DIP2C: variants seen among roughly 807,000 people sequenced by gnomAD.
The protein encoded by DIP2C is disco-interacting protein 2 homolog C.
A neutral mutation model predicts 192.4 loss-of-function variants in DIP2C; 33 were observed. The observed-to-expected ratio is 0.17, with a 90% confidence interval of 0.13 to 0.23. DIP2C has a LOEUF of 0.23. DIP2C is among the 10% of genes least tolerant of loss of function. DIP2C has a pLI of 1.00. For missense variants in DIP2C, 1,537 were observed against 2,110.1 expected (o/e 0.73, Z 5.32); for synonymous variants, 979 against 864.1 (o/e 1.13, Z -2.33).
chr10:414,739 G>GTGTGTGTATATATATATA lies in DIP2C; in HGVS notation c.860-630_860-629insTATATATATATACACACA. On this transcript the variant is annotated intron_variant, in intron 7 of 36. Coordinates refer to ENST00000280886, the MANE Select transcript of DIP2C (RefSeq NM_014974.3). ...TGTGTGTGTGTGTGTGTGTGTGTGT[G>GTGTGTGTATATATATATA]TACATATATATATATATAATGTGTA... 5.0e-3 allele frequency among the ~76,000 whole-genome samples: 457 copies of GTGTGTGTATATATATATA among 90,500 alleles called. 20 individuals carry two copies. Among genetic ancestry groups the GTGTGTGTATATATATATA allele is most frequent in the African/African-American group, 0.012 (263 of 22,212 alleles). The allele number at this position is 90,500 out of a possible 152,430, so 59.4% of individuals were successfully genotyped here. A position where few individuals can be genotyped will look rare whatever the true frequency, so the allele number is the denominator to read the frequency against.
chr10:477,819 AAG>A (rs551495135), intron 2 of DIP2C, among the ~76,000 whole-genome samples: 21 of 125,522 alleles, frequency 1.7e-4, no homozygotes, highest in South Asian at 7.9e-4. Context: ...GAAGGAAAAC[AAG>A]AGAGAAGGAG....
intron 1 of DIP2C, among the ~76,000 whole-genome samples, chr10:524,527 A>G (rs1279637869): frequency 6.6e-6 from 1 of 152,200 alleles, no homozygotes; most frequent in African/African-American, 2.4e-5. Context: ...AATGTATAAA[A>G]CATGGACGAT....
At chr10:316,890 G>A (rs1324326373) in intron 31 of DIP2C, among the ~76,000 whole-genome samples, 4 of 152,060 alleles carry the variant, frequency 2.6e-5, no homozygotes, top group Non-Finnish European at 5.9e-5. Context: ...CTCTGCCATG[G>A]GAAAAACCAC....
intron 13 of DIP2C, among the ~76,000 whole-genome samples, chr10:388,062 C>T (rs918310947): frequency 7.9e-5 from 12 of 151,986 alleles, no homozygotes; most frequent in African/African-American, 2.9e-4. Context: ...TAAAACGCAG[C>T]GTTCCTTCTC....
At chr10:449,953 G>C (rs1268085547) in intron 3 of DIP2C, among the ~76,000 whole-genome samples, 1 of 148,624 alleles carries the variant, frequency 6.7e-6, no homozygotes, top group African/African-American at 2.5e-5. Flanking sequence ...CTGAGAACAA[G>C]ATATCATTGT....
chr10:577,853 A>C (rs575839015), intron 1 of DIP2C, among the ~76,000 whole-genome samples: 234 of 151,442 alleles, frequency 1.5e-3, no homozygotes, highest in African/African-American at 5.2e-3. Context: ...AAAAGAAGAA[A>C]GAACTTAAGA....
chr10:303,442 A>AAAAACAGATT (rs1309094511), intron 32 of DIP2C, among the ~76,000 whole-genome samples: 1 of 152,244 alleles, frequency 6.6e-6, no homozygotes, highest in African/African-American at 2.4e-5. Flanking sequence ...ACTCACTTAT[A>AAAAACAGATT]AAAACAGATT....
chr10:527,769 G>A (rs1847141638), intron 1 of DIP2C, among the ~76,000 whole-genome samples: 1 of 152,204 alleles, frequency 6.6e-6, no homozygotes, highest in African/African-American at 2.4e-5. Flanking sequence ...TCTCTCCTCT[G>A]TACAACAGAA....
intron 1 of DIP2C, among the ~76,000 whole-genome samples, chr10:640,172 C>A (rs1855092527): frequency 6.6e-6 from 1 of 152,254 alleles, no homozygotes; most frequent in Admixed American, 6.5e-5. Flanking sequence ...CTAACACACA[C>A]CTCCCACAGG....
At chr10:591,665 C>A (rs17159715) in intron 1 of DIP2C, among the ~76,000 whole-genome samples, 1 of 152,120 alleles carries the variant, frequency 6.6e-6, no homozygotes, top group African/African-American at 2.4e-5. Context: ...CATCTGCCTG[C>A]CGGTGAGTTA....
intron 1 of DIP2C, among the ~76,000 whole-genome samples, chr10:513,100 T>TGCATTTTAA (rs1846128628): frequency 6.6e-6 from 1 of 152,200 alleles, no homozygotes; most frequent in South Asian, 2.1e-4. Flanking sequence ...TAAAAGCACA[T>TGCATTTTAA]GCATTTTAAG....
chr10:522,416 C>G (rs770316258), intron 1 of DIP2C, among the ~76,000 whole-genome samples: 1 of 152,254 alleles, frequency 6.6e-6, no homozygotes, highest in Non-Finnish European at 1.5e-5. Flanking sequence ...AAGTAAACTT[C>G]AGCTCCTGAG....
At chr10:574,174 T>C (rs1398964514) in intron 1 of DIP2C, among the ~76,000 whole-genome samples, 1 of 152,242 alleles carries the variant, frequency 6.6e-6, no homozygotes, top group Non-Finnish European at 1.5e-5. Context: ...ATAAAGACAT[T>C]GCTGCTTTTA....
At chr10:520,891 C>G (rs560897234) in intron 1 of DIP2C, among the ~76,000 whole-genome samples, 12 of 152,308 alleles carry the variant, frequency 7.9e-5, no homozygotes, top group African/African-American at 2.6e-4. Flanking sequence ...TTAATCAATA[C>G]TTTTAAAGTC....
chr10:495,227 G>T (rs1348865952), intron 1 of DIP2C, among the ~76,000 whole-genome samples: 2 of 152,160 alleles, frequency 1.3e-5, no homozygotes, highest in African/African-American at 4.8e-5. Context: ...CTGGGGAAGG[G>T]GAAACAGGGA....
chr10:375,003 CAGGAATGTAAGGAGGCAG>C (rs1422832509), intron 17 of DIP2C, among the ~76,000 whole-genome samples: 1 of 152,158 alleles, frequency 6.6e-6, no homozygotes, highest in African/African-American at 2.4e-5. Context: ...CAGTGATCTC[CAGGAATGTAAGGAGGCAG>C]AGTCCTCTCT....
At chr10:581,037 A>G (rs1237686217) in intron 1 of DIP2C, among the ~76,000 whole-genome samples, 1 of 152,230 alleles carries the variant, frequency 6.6e-6, no homozygotes, top group Non-Finnish European at 1.5e-5. Flanking sequence ...TTTTCTGGTG[A>G]GAGAGACCAA....
Position 580,193 on chromosome 10 carries a change from TAC to T in DIP2C, c.86-93665_86-93664del, listed in dbSNP as rs1850521828. On this transcript the variant is annotated intron_variant, in intron 1 of 36. Coordinates refer to ENST00000280886, the MANE Select transcript of DIP2C (RefSeq NM_014974.3). ...AGCATGCCTACACATGCGTAGTGTA[TAC>T]ATATGCACATATATATAATGTATAT... is the stretch of plus-strand genomic sequence containing the variant. Among the ~76,000 whole-genome samples the T allele has an allele frequency of 2.6e-5, 4 of 151,752 alleles. No individual in the cohort carries two copies. In the South Asian group the frequency reaches 8.3e-4, roughly 31 times the overall value.
intron 3 of DIP2C, among the ~76,000 whole-genome samples, chr10:447,819 C>G (rs1242503448): frequency 8.3e-6 from 1 of 121,212 alleles, no homozygotes; most frequent in Admixed American, 7.7e-5. Flanking sequence ...CCGCTCACTC[C>G]CGTCGATACT....
Sources: allele counts gnomAD v4.1 joint callset (sites outside exome capture counted in the v4.1 genomes callset), GRCh38; gene constraint gnomAD v4.1.1; transcripts MANE v1.5; gene names NCBI Gene and HGNC (gene_info 2026-07-23, HGNC 2026-07-21).